The following PIGO variants were observed in gnomAD, a reference collection of about 807,000 sequenced individuals.
The protein encoded by PIGO is phosphatidylinositol glycan anchor biosynthesis class O, also known as GPI ethanolamine phosphate transferase 3, catalytic subunit.
A neutral mutation model predicts 86.9 loss-of-function variants in PIGO; 66 were observed. The ratio of observed to expected loss-of-function variants is 0.76; its 90% CI spans 0.62 to 0.93. The LOEUF is 0.93. PIGO is among the 40% of genes least tolerant of loss of function. The pLI is 0.00. For synonymous variants in PIGO, 570 were observed against 556.4 expected (o/e 1.02, Z -0.34); for missense variants, 1,202 against 1,359.1 (o/e 0.88, Z 1.82).
Position 35,089,300 on chromosome 9 carries a change from C to T in PIGO, c.3141-79G>A, listed in dbSNP as rs1253161633. The T allele has an allele frequency of 3.1e-6, 5 of 1,613,264 alleles. No individual in the cohort carries two copies. The Admixed American group carries it at 8.4e-5, about 27-fold the overall frequency. On this transcript the variant is annotated intron_variant, in intron 10 of 10. Transcript: ENST00000378617. ...CCTGTAGAGGCAAAACCTTGGCCAT[C>T]CTGGATGTTTAGGATCTTCATACTT...
At chr9:35,095,645 G>C in intron 1 of PIGO, 79 bp from the exon 2 acceptor site, 1 of 1,401,586 alleles carries the variant, frequency 7.1e-7, no homozygotes, top group South Asian at 1.5e-5. Context: ...TACAAGCCCA[G>C]CTAGAATCAC....
At chr9:35,090,398 C>G in intron 8 of PIGO, 68 bp downstream of exon 8, 1 of 1,552,530 alleles carries the variant, frequency 6.4e-7, no homozygotes, top group East Asian at 2.3e-5. Flanking sequence ...CCATTCAAAT[C>G]CAGGGGTTTC....
Position 35,091,327 on chromosome 9 carries a change from G to A in PIGO, c.2560C>T (p.Arg854Cys), listed in dbSNP as rs747057479. ...AFPLLLLHAERISLVFLLLFL... is the reference protein window; with the variant it reads ...AFPLLLLHAECISLVFLLLFL... ...AGAAGCAGGAACACAAGGCTGATGC[G>A]CTCCGCATGCAACAGCAGAAGTGGG... Residue 854 changes from arginine (R) to cysteine (C), a missense_variant, in exon 7 of 11, where the codon CGC becomes TGC. Physicochemically the swap from Arg to Cys is radical, Grantham distance 180. Coordinates refer to ENST00000378617, the MANE Select transcript of PIGO (RefSeq NM_032634.4). 5.0e-6 allele frequency: 8 copies of A among 1,614,042 alleles called. No individual in the cohort carries two copies. Among genetic ancestry groups the A allele is most frequent in the South Asian group, 3.3e-5 (3 of 91,082 alleles).
chr9:35,091,187 G>A (rs1237071304), intron 7 of PIGO, 53 bp downstream of exon 7: 5 of 1,506,566 alleles, frequency 3.3e-6, no homozygotes, highest in Non-Finnish European at 4.5e-6. Context: ...AAACAAGAGG[G>A]GCCGAACTCA....
At position 35,093,848 on chromosome 9, in the gene PIGO, C is replaced by T. The variant is rs143516020; in HGVS notation, c.779+53G>A. 3.2e-4 allele frequency: 516 copies of T among 1,597,708 alleles called. No homozygotes were observed. In the African/African-American group the frequency reaches 6.1e-3, roughly 19 times the overall value. On this transcript the variant is annotated intron_variant, in intron 4 of 10. Coordinates refer to ENST00000378617, the MANE Select transcript of PIGO (RefSeq NM_032634.4). ...GAAAGAAGCTCTAAGATAAGAGCTTCTTCGAGATTCTCAGACACAAACCCA... is the reference window on the plus strand; with the variant it reads ...GAAAGAAGCTCTAAGATAAGAGCTTTTTCGAGATTCTCAGACACAAACCCA...
At position 35,095,477 on chromosome 9, in the gene PIGO, A is replaced by T. The variant is rs1421403157; in HGVS notation, c.89T>A (p.Leu30His). 6.2e-7 allele frequency: 1 copy of T among 1,613,486 alleles called. No homozygotes were observed. The highest frequency in any genetic ancestry group is 1.3e-5 in the African/African-American group (1 of 74,996). ...GIALFTSGFL[L>H]TRLELTNHSS... ...ATGGTTGGTGAGCTCCAAACGGGTGAGCAGGAAGCCACTGGTGAAGAGGGC... is the reference window on the plus strand; with the variant it reads ...ATGGTTGGTGAGCTCCAAACGGGTGTGCAGGAAGCCACTGGTGAAGAGGGC... The change falls in exon 2 of 11, where the codon CTC becomes CAC. Residue 30 changes from leucine to histidine, a missense_variant. Coordinates refer to ENST00000378617, the MANE Select transcript of PIGO (RefSeq NM_032634.4).
At chr9:35,094,404 G>T in intron 2 of PIGO, 45 bp from the exon 3 acceptor site, 1 of 1,572,956 alleles carries the variant, frequency 6.4e-7, no homozygotes, top group Non-Finnish European at 8.6e-7. Context: ...CAAACGTCAG[G>T]GTTAGGAGAA....
rs200967782 is a variant in PIGO, at chr9:35,092,220, C to T, written c.1667G>A (p.Arg556His). ...PGPVLLLLLF[R>H]LAVFFSDSFV... is the part of the protein sequence containing the mutation. ...ACTATCAGAGAAGAACACAGCCAAGCGAAACAGCAGGAGTAACAGGACGGG... is the reference window on the plus strand; with the variant it reads ...ACTATCAGAGAAGAACACAGCCAAGTGAAACAGCAGGAGTAACAGGACGGG... The change falls in exon 7 of 11, where the codon CGC (arginine) becomes CAC (histidine). Residue 556 changes from arginine to histidine, a missense_variant. By Grantham distance (29) the Arg-to-His change is conservative. Transcript: ENST00000378617. The T allele has an allele frequency of 6.8e-5, 109 of 1,614,042 alleles. No homozygotes were observed. The highest frequency in any genetic ancestry group is 9.0e-5 in the Non-Finnish European group (106 of 1,180,052).
rs1269707710 is a variant in PIGO, at chr9:35,089,329, T to G, written c.3140+51A>C. ...GATGTTTAGGATCTTCATACTTTGT[T>G]CCAAGTTTCTCCCTCCCCACCACCT... On this transcript the variant is annotated intron_variant, in intron 10 of 10. Transcript: ENST00000378617. 2.5e-6 allele frequency: 4 copies of G among 1,613,746 alleles called. No homozygotes were observed. The Admixed American group carries it at 6.7e-5, about 27-fold the overall frequency.
chr9:35,093,775 G>C, intron 4 of PIGO, 126 bp downstream of exon 4: 1 of 1,490,888 alleles, frequency 6.7e-7, no homozygotes, highest in South Asian at 1.3e-5. Context: ...AAGATGGATG[G>C]AGCCTCTAGC....
rs1379200376 is a variant in PIGO at position 35,094,282 on chromosome 9, G to C, written c.589C>G (p.Pro197Ala). The change falls in exon 3 of 11, where the codon CCA becomes GCA. Residue 197 changes from proline (P) to alanine (A), a missense_variant. By Grantham distance (27) the Pro-to-Ala change is conservative (BLOSUM62 -1). Transcript: ENST00000378617. Reference protein sequence around the residue: ...PGAFSKAFFFPSFNVRDLDTV... With the variant: ...PGAFSKAFFFASFNVRDLDTV... ...TCTAGGTCTCTGACATTGAAGGATG[G>C]GAAGAAGAAAGCTTTGGAGAAAGCA... 6.2e-7 allele frequency: 1 copy of C among 1,608,794 alleles called. No homozygotes were observed. Among genetic ancestry groups the C allele is most frequent in the South Asian group, 1.1e-5 (1 of 90,510 alleles).
In PIGO at chr9:35,092,171, G is replaced by A; in HGVS notation, c.1716C>T (p.Ala572=). Residue 572 remains alanine (A), a synonymous_variant, in exon 7 of 11, where the codon GCC becomes GCT. Coordinates refer to ENST00000378617, the MANE Select transcript of PIGO (RefSeq NM_032634.4). Reference sequence around the variant, plus strand: ...TGAATGAGCCCAAAAGGAAGGGGGTGGCCCTGGCCTCAGCTACAACAAAAC... The same window carrying A: ...TGAATGAGCCCAAAAGGAAGGGGGTAGCCCTGGCCTCAGCTACAACAAAAC... The part of the protein sequence containing the change: ...SDSFVVAEAR[A]TPFLLGSFIL... 6.2e-7 allele frequency: 1 copy of A among 1,614,198 alleles called. No individual in the cohort carries two copies. Among genetic ancestry groups the A allele is most frequent in the Non-Finnish European group, 8.5e-7 (1 of 1,180,036 alleles).
At position 35,092,087 on chromosome 9, in the gene PIGO, G is replaced by A. The variant is rs1393676280; in HGVS notation, c.1800C>T (p.Leu600=). Residue 600 remains leucine (L), a synonymous_variant, in exon 7 of 11, where the codon CTC becomes CTT. Transcript: ENST00000378617. ...WEGQLLPPKL[L]TMPRLGTSAT... is the part of the protein sequence containing the mutation. ...CTGAAGTGCCAAGGCGGGGCATTGTGAGTAGCTTAGGTGGAAGCAGCTGGC... is the reference window on the plus strand; with the variant it reads ...CTGAAGTGCCAAGGCGGGGCATTGTAAGTAGCTTAGGTGGAAGCAGCTGGC... 2.5e-6 allele frequency: 4 copies of A among 1,614,138 alleles called. No individual in the cohort carries two copies. Among genetic ancestry groups the A allele is most frequent in the African/African-American group, 1.3e-5 (1 of 74,952 alleles).
rs1371463681 is a variant in PIGO at position 35,091,517 on chromosome 9, T to C, written c.2370A>G (p.Gln790=). The change falls in exon 7 of 11, where the codon CAA becomes CAG. Residue 790 remains glutamine, a synonymous_variant. Transcript: ENST00000378617. ...LTPFSGPPTS[Q]ADLDYVVPQI... The stretch of plus-strand genomic sequence containing the variant: ...GAGGGACCACATAATCCAAGTCAGC[T>C]TGAGAAGTGGGGGGGCCTGAGAAGG... 8.1e-6 allele frequency: 13 copies of C among 1,614,014 alleles called. No individual in the cohort carries two copies. The highest frequency in any genetic ancestry group is 1.3e-5 in the African/African-American group (1 of 74,902).
chr9:35,093,788 C>T, intron 4 of PIGO, 113 bp downstream of exon 4: 1 of 1,512,428 alleles, frequency 6.6e-7, no homozygotes, highest in Non-Finnish European at 8.9e-7. Context: ...CCTCTAGCTT[C>T]AGCAGAAGGC....
Position 35,090,289 on chromosome 9 carries a change from A to T in PIGO, c.2855-9T>A. 1 of 1,612,180 alleles carries T rather than the reference A, an allele frequency of 6.2e-7. No homozygotes were observed. Among genetic ancestry groups the T allele is most frequent in the Non-Finnish European group, 8.5e-7 (1 of 1,178,632 alleles). ...GAGCAGTGGGCAACCTACTGCCTCAAGAGAGGGTATGGCTGGAATCAACAG... is the reference window on the plus strand; with the variant it reads ...GAGCAGTGGGCAACCTACTGCCTCATGAGAGGGTATGGCTGGAATCAACAG... On this transcript the variant is annotated splice_polypyrimidine_tract_variant and intron_variant, in intron 8 of 10. Coordinates refer to ENST00000378617, the MANE Select transcript of PIGO (RefSeq NM_032634.4).
At position 35,092,534 on chromosome 9, in the gene PIGO, C is replaced by T; in HGVS notation, c.1353G>A (p.Met451Ile). ...ESWARFSLVR[M>I]AGGTALLAAS... is the part of the protein sequence containing the mutation. ...CAGCCAAGAGAGCAGTACCCCCCGC[C>T]ATGCGGACCAGAGAGAAACGAGCCC... The change falls in exon 7 of 11, where the codon ATG (methionine) becomes ATA (isoleucine). Residue 451 changes from methionine (M) to isoleucine (I), a missense_variant. Physicochemically the swap from Met to Ile is conservative, Grantham distance 10. Coordinates refer to ENST00000378617, the MANE Select transcript of PIGO (RefSeq NM_032634.4). 1 of 1,614,214 alleles carries T rather than the reference C, an allele frequency of 6.2e-7. No homozygotes were observed. Among genetic ancestry groups the T allele is most frequent in the Non-Finnish European group, 8.5e-7 (1 of 1,180,008 alleles).
Position 35,091,690 on chromosome 9 carries a change from G to C in PIGO, c.2197C>G (p.Arg733Gly), listed in dbSNP as rs748093757. ...ATGGATGCCCCAGAGACCAGGACCCGGAGACGGGGGGGAGCCTCATCTGCC... is the reference window on the plus strand; with the variant it reads ...ATGGATGCCCCAGAGACCAGGACCCCGAGACGGGGGGGAGCCTCATCTGCC... Reference protein sequence around the residue: ...SGADEAPPRLRVLVSGASMVL... With the variant: ...SGADEAPPRLGVLVSGASMVL... Residue 733 changes from arginine (R) to glycine (G), a missense_variant, in exon 7 of 11, where the codon CGG becomes GGG. By Grantham distance (125) the Arg-to-Gly change is moderately radical. Coordinates refer to ENST00000378617, the MANE Select transcript of PIGO (RefSeq NM_032634.4). 3 of 1,612,520 alleles carry C rather than the reference G, an allele frequency of 1.9e-6. No homozygotes were observed. The highest frequency in any genetic ancestry group is 1.6e-4 in the Middle Eastern group (1 of 6,062).
At position 35,091,249 on chromosome 9, in the gene PIGO, T is replaced by C; in HGVS notation, c.2638A>G (p.Thr880Ala). Residue 880 changes from threonine to alanine, a missense_variant, in exon 7 of 11, where the codon ACC becomes GCC. Physicochemically the swap from Thr to Ala is moderately conservative, Grantham distance 58. Coordinates refer to ENST00000378617, the MANE Select transcript of PIGO (RefSeq NM_032634.4). Reference protein sequence around the residue: ...LHLLAAGIPVTTPGPFTVPWQ... With the variant: ...LHLLAAGIPVATPGPFTVPWQ... ...GAGCTGAGATATTTACCAGGGGTGG[T>C]GACGGGTATCCCAGCAGCAAGCAGA... The C allele has an allele frequency of 1.3e-6, 2 of 1,592,252 alleles. No homozygotes were observed. The highest frequency in any genetic ancestry group is 1.7e-6 in the Non-Finnish European group (2 of 1,168,102).
Sources: gnomAD v4.1 joint callset for allele counts on GRCh38, gnomAD v4.1.1 for gene constraint, MANE v1.5 for transcripts, NCBI Gene and HGNC (gene_info 2026-07-23, HGNC 2026-07-21) for gene names.